Variants in TGFBRAP1 observed in about 807,000 individuals in gnomAD.
TGFBRAP1 encodes transforming growth factor-beta receptor-associated protein 1.
A neutral mutation model predicts 83.2 loss-of-function variants in TGFBRAP1; 20 were observed. That is an observed-to-expected ratio of 0.24 (90% confidence interval 0.17 to 0.35). The LOEUF is 0.35. Among genes scored for constraint, TGFBRAP1 ranks in the 10% least tolerant of loss-of-function variants. The pLI is 1.00. For synonymous variants in TGFBRAP1, 415 were observed against 459.8 expected (o/e 0.90, Z 1.25); for missense variants, 950 against 1,099.4 (o/e 0.86, Z 1.92).
intron 1 of TGFBRAP1, among the ~76,000 whole-genome samples, chr2:105,323,353 C>T (rs1166867043): frequency 6.6e-6 from 1 of 152,168 alleles, no homozygotes; most frequent in Non-Finnish European, 1.5e-5. Flanking sequence ...GGACCTGCTG[C>T]TCAGCCTCTA....
At chr2:105,249,678 TAACA>T in the TGFBRAP1 span, 9 of 152,150 alleles carry the variant, frequency 5.9e-5, no homozygotes, top group African/African-American at 9.7e-5. Context: ...CTATTTAAAA[TAACA>T]AACAGTCAAC....
intron 4 of TGFBRAP1, among the ~76,000 whole-genome samples, chr2:105,295,835 TCTC>T (rs1477696966): frequency 2.0e-5 from 3 of 149,092 alleles, no homozygotes; most frequent in Non-Finnish European, 4.5e-5. Flanking sequence ...AAAAAAAAGT[TCTC>T]CTAAGGAAAT....
intron 11 of TGFBRAP1, among the ~76,000 whole-genome samples, chr2:105,268,812 C>T (rs913716978): frequency 1.3e-5 from 2 of 152,206 alleles, no homozygotes; most frequent in Non-Finnish European, 2.9e-5. Flanking sequence ...TCTCAACTGG[C>T]CTGGGAGGCA....
downstream of TGFBRAP1, among the ~76,000 whole-genome samples, chr2:105,259,618 A>G (rs1385777054): frequency 1.3e-5 from 2 of 152,216 alleles, no homozygotes; most frequent in Admixed American, 1.3e-4. Flanking sequence ...AAAAAGATGG[A>G]AAATGTGCAA....
At chr2:105,300,834 A>T (rs1402380269) in intron 2 of TGFBRAP1, among the ~76,000 whole-genome samples, 1 of 152,254 alleles carries the variant, frequency 6.6e-6, no homozygotes, top group African/African-American at 2.4e-5. Context: ...GACCCAATAC[A>T]TTAGGAAATT....
intron 1 of TGFBRAP1, among the ~76,000 whole-genome samples, chr2:105,322,248 CAT>C (rs987502219): frequency 2.0e-5 from 3 of 151,530 alleles, no homozygotes; most frequent in Non-Finnish European, 3.0e-5. Flanking sequence ...AGCTATACAA[CAT>C]GTTTTCAGCT....
At chr2:105,251,714 G>A in the TGFBRAP1 span, among the ~76,000 whole-genome samples, 2 of 152,118 alleles carry the variant, frequency 1.3e-5, no homozygotes, top group Non-Finnish European at 2.9e-5. Flanking sequence ...GGGGAAAGGT[G>A]GGGAAAAGAT....
chr2:105,275,799 C>T (rs1677321337), intron 7 of TGFBRAP1, 96 bp from the exon 8 acceptor site: 3 of 1,317,728 alleles, frequency 2.3e-6, no homozygotes, highest in East Asian at 2.5e-5. Context: ...CATATGTTTA[C>T]TTATTTGGCT....
In TGFBRAP1 at chr2:105,308,183, C is replaced by T; in HGVS notation, c.119G>A (p.Gly40Asp). 1 of 1,614,214 alleles carries T rather than the reference C, an allele frequency of 6.2e-7. No homozygotes were observed. The highest frequency in any genetic ancestry group is 8.5e-7 in the Non-Finnish European group (1 of 1,180,042). Residue 40 changes from glycine to aspartate, a missense_variant, in exon 2 of 12, where the codon GGC becomes GAC. Transcript: ENST00000393359. ...VECCGRDLYV[G>D]TNDCFVYHFL... ...GTGGTAGACGAAGCAGTCGTTGGTG[C>T]CCACGTAGAGGTCCCTGCCGCAGCA...
intron 2 of TGFBRAP1, among the ~76,000 whole-genome samples, chr2:105,305,067 T>G (rs1209309352): frequency 6.6e-6 from 1 of 152,186 alleles, no homozygotes; most frequent in Non-Finnish European, 1.5e-5. Flanking sequence ...ATATAAACTA[T>G]GGGCTTCGGG....
At chr2:105,293,402 G>A (rs549407548) in intron 4 of TGFBRAP1, among the ~76,000 whole-genome samples, 1 of 152,120 alleles carries the variant, frequency 6.6e-6, no homozygotes, top group Non-Finnish European at 1.5e-5. Flanking sequence ...CTGAAGAAAC[G>A]ATCCTTAATC....
At chr2:105,261,506 C>G (rs1462273735), downstream of TGFBRAP1, among the ~76,000 whole-genome samples, 2 of 152,210 alleles carry the variant, frequency 1.3e-5, no homozygotes, top group East Asian at 3.8e-4. Context: ...AATCTCAGCA[C>G]TTTGGGAGGC....
chr2:105,296,481 C>T lies in TGFBRAP1; in HGVS notation c.913G>A (p.Val305Ile), dbSNP rs148371972. The change falls in exon 4 of 12, where the codon GTT becomes ATT. Residue 305 changes from valine (V) to isoleucine (I), a missense_variant. By Grantham distance (29) the Val-to-Ile change is conservative. Coordinates refer to ENST00000393359, the MANE Select transcript of TGFBRAP1 (RefSeq NM_004257.6). Reference sequence around the variant, plus strand: ...AAAGGTAATGGAACCAAGATGTAAACTCCTTTACTTGTGGCAACGATCACT... The same window carrying T: ...AAAGGTAATGGAACCAAGATGTAAATTCCTTTACTTGTGGCAACGATCACT... ...GRVIVATSKG[V>I]YILVPLPLEK... The T allele has an allele frequency of 5.0e-5, 80 of 1,613,346 alleles. No individual in the cohort carries two copies. Among genetic ancestry groups the T allele is most frequent in the Middle Eastern group, 1.6e-4 (1 of 6,080 alleles).
intron 1 of TGFBRAP1, among the ~76,000 whole-genome samples, chr2:105,321,773 C>G (rs1438491380): frequency 6.6e-6 from 1 of 152,216 alleles, no homozygotes. Flanking sequence ...TAGCAAAATG[C>G]ATCACTCATG....
chr2:105,259,022 T>G, the TGFBRAP1 span, among the ~76,000 whole-genome samples: 1 of 152,166 alleles, frequency 6.6e-6, no homozygotes, highest in Non-Finnish European at 1.5e-5. Context: ...TTGCATGAAA[T>G]TACAGTTATG....
At chr2:105,308,436 G>A (rs1022237648) in intron 1 of TGFBRAP1, 118 bp from the exon 2 acceptor site, 42 of 1,084,238 alleles carry the variant, frequency 3.9e-5, no homozygotes, top group Middle Eastern at 2.6e-4. Context: ...GTCATTCCAC[G>A]CTATCAAAAA....
At chr2:105,263,223 T>C (rs1017820582), downstream of TGFBRAP1, among the ~76,000 whole-genome samples, 11 of 152,236 alleles carry the variant, frequency 7.2e-5, no homozygotes, top group Non-Finnish European at 1.6e-4. Context: ...CTCTTACTTA[T>C]TCTCTAATAT....
Position 105,296,438 on chromosome 2 carries a change from T to G in TGFBRAP1, c.956A>C (p.Asp319Ala). ...TTCTACTCTGCGGCTTGCTAGAAGA[T>G]CCTGTATTTGTTTTTCCAAAGGTAA... ...VPLPLEKQIQ[D>A]LLASRRVEEA... The change falls in exon 4 of 12, where the codon GAT (aspartate) becomes GCT (alanine). Residue 319 changes from aspartate to alanine, a missense_variant. Coordinates refer to ENST00000393359, the MANE Select transcript of TGFBRAP1 (RefSeq NM_004257.6). The G allele has an allele frequency of 6.2e-7, 1 of 1,614,180 alleles. No homozygotes were observed. Among genetic ancestry groups the G allele is most frequent in the Non-Finnish European group, 8.5e-7 (1 of 1,180,032 alleles).
At chr2:105,324,876 T>A (rs1170706076) in intron 1 of TGFBRAP1, 1 of 152,220 alleles carries the variant, frequency 6.6e-6, no homozygotes, top group Non-Finnish European at 1.5e-5. Context: ...GGCAGTGAAC[T>A]GTGGTAAATG....
Sources: gnomAD v4.1 joint callset for allele counts (sites outside exome capture counted in the v4.1 genomes callset) on GRCh38, gnomAD v4.1.1 for gene constraint, MANE v1.5 for transcripts, NCBI Gene and HGNC (gene_info 2026-07-23, HGNC 2026-07-21) for gene names.